The following LMO7 variants were observed in gnomAD, a reference collection of about 807,000 sequenced individuals.
LMO7 encodes the protein LIM domain 7.
Under a neutral mutation model 206.5 loss-of-function variants are expected in LMO7, and 120 were observed. That is an observed-to-expected ratio of 0.58 (90% CI 0.50 to 0.68). The LOEUF is 0.68. Ranked by LOEUF, LMO7 falls within the 30% of genes least tolerant of loss-of-function variation. The pLI is 0.00. For missense variants in LMO7, 1,959 were observed against 1,957.9 expected (o/e 1.00, Z -0.01); for synonymous variants, 706 against 681.5 (o/e 1.04, Z -0.56).
exon 1 of LMO7, chr13:75,621,779 C>T: frequency 6.2e-7 from 1 of 1,613,166 alleles, no homozygotes; most frequent in Non-Finnish European, 8.5e-7. Context: ...GAGCTCGGAG[C>T]TCTGGAAATT....
chr13:75,710,607 A>G (rs911363584), intron 1 of LMO7, among the ~76,000 whole-genome samples: 2 of 151,536 alleles, frequency 1.3e-5, no homozygotes, highest in Non-Finnish European at 2.9e-5. Flanking sequence ...TTTGTCTGTT[A>G]TTGGTGTATA....
At chr13:75,689,719 A>T (rs2041300293) in intron 1 of LMO7, among the ~76,000 whole-genome samples, 1 of 151,976 alleles carries the variant, frequency 6.6e-6, no homozygotes, top group African/African-American at 2.4e-5. Context: ...ATCACACTCC[A>T]GGTTCTTCAG....
At chr13:75,734,602 G>C (rs1031154680) in intron 3 of LMO7, among the ~76,000 whole-genome samples, 1 of 152,172 alleles carries the variant, frequency 6.6e-6, no homozygotes, top group Non-Finnish European at 1.5e-5. Flanking sequence ...TTCTTGATAA[G>C]GGTGTTGGTT....
At chr13:75,812,935 C>T (rs558832197) in intron 11 of LMO7, among the ~76,000 whole-genome samples, 13 of 152,320 alleles carry the variant, frequency 8.5e-5, no homozygotes, top group Middle Eastern at 3.4e-3. Flanking sequence ...ATAGTTTTCC[C>T]AAACAATTTT....
intron 1 of LMO7, among the ~76,000 whole-genome samples, chr13:75,706,671 A>C (rs2042684482): frequency 6.6e-6 from 1 of 152,196 alleles, no homozygotes; most frequent in Admixed American, 6.5e-5. Context: ...AGATTAACTG[A>C]ACATTTTTAT....
At chr13:75,675,115 C>T (rs113790707) in intron 1 of LMO7, among the ~76,000 whole-genome samples, 3 of 147,076 alleles carry the variant, frequency 2.0e-5, no homozygotes, top group South Asian at 4.3e-4. Flanking sequence ...TTTGCTGTGT[C>T]GCCCAGGCTG....
At chr13:75,838,433 C>CTT (rs750031068) in intron 20 of LMO7, 59 of 311,620 alleles carry the variant, frequency 1.9e-4, no homozygotes, top group South Asian at 2.9e-4. Context: ...AAACATTTTA[C>CTT]TTTTTTTTTT....
In LMO7 at chr13:75,853,111, C is replaced by T. The variant is rs932691128; in HGVS notation, c.4384C>T (p.Leu1462=). ...TTTCAGAGGCGAATCTTTAGATAAC[C>T]TGGACTCCCCCCGATCCAATTCTTG... ...IMRRGESLDN[L]DSPRSNSWRQ... Residue 1462 remains leucine (L), a synonymous_variant, in exon 28 of 31, where the codon CTG becomes TTG. Coordinates refer to ENST00000377534, the MANE Select transcript of LMO7 (RefSeq NM_001306080.2). 1.9e-6 allele frequency: 3 copies of T among 1,606,042 alleles called. No homozygotes were observed. The South Asian group carries it at 3.3e-5, about 18-fold the overall frequency.
In LMO7 at chr13:75,814,363, A is replaced by G. The variant is rs182554572; in HGVS notation, c.1947-2798A>G. ...CCTCCTAAGCAACACGTGACTTGTG[A>G]GGAAGAGAATCCAAACATGCACATG... On this transcript the variant is annotated intron_variant, in intron 11 of 30. Transcript: ENST00000377534. 7.9e-5 allele frequency among the ~76,000 whole-genome samples: 12 copies of G among 152,312 alleles called. No homozygotes were observed. In the East Asian group the frequency reaches 2.1e-3, roughly 27 times the overall value.
intron 6 of LMO7, among the ~76,000 whole-genome samples, chr13:75,797,712 A>G (rs2054211702): frequency 6.6e-6 from 1 of 152,306 alleles, no homozygotes; most frequent in East Asian, 1.9e-4. Flanking sequence ...TGATCTTTAA[A>G]TAATTTTGCC....
chr13:75,856,472 T>A, intron 29 of LMO7, 34 bp from the exon 30 acceptor site: 1 of 1,315,966 alleles, frequency 7.6e-7, no homozygotes, highest in Non-Finnish European at 1.1e-6. Context: ...TTGAGCTGAC[T>A]GATTGTAGAT....
At position 75,644,980 on chromosome 13, in the gene LMO7, T is replaced by C. The variant is rs80059163; in HGVS notation, c.69+8254T>C. 6.5e-3 allele frequency among the ~76,000 whole-genome samples: 987 copies of C among 152,334 alleles called. 12 individuals are homozygous for C. Among genetic ancestry groups the C allele is most frequent in the African/African-American group, 0.022 (919 of 41,568 alleles). ...CCGACTTTAGGTTTATATATTTGAA[T>C]GTATGTTAGTGATTGTTAATGTTCA... On this transcript the variant is annotated intron_variant, in intron 1 of 30. Coordinates refer to ENST00000377534, the MANE Select transcript of LMO7 (RefSeq NM_001306080.2).
intron 1 of LMO7, among the ~76,000 whole-genome samples, chr13:75,671,244 G>C (rs79337529): frequency 6.7e-6 from 1 of 149,496 alleles, no homozygotes; most frequent in Non-Finnish European, 1.5e-5. Flanking sequence ...CTAAAACTAT[G>C]ATAAACAGTA....
At chr13:75,711,160 T>C (rs1007170742) in intron 1 of LMO7, among the ~76,000 whole-genome samples, 5 of 152,224 alleles carry the variant, frequency 3.3e-5, no homozygotes, top group Non-Finnish European at 5.9e-5. Context: ...CAGTTGATCA[T>C]GGTGGATAAG....
At chr13:75,645,155 C>T (rs1361688063) in intron 1 of LMO7, among the ~76,000 whole-genome samples, 1 of 152,136 alleles carries the variant, frequency 6.6e-6, no homozygotes, top group Non-Finnish European at 1.5e-5. Flanking sequence ...TTCTGTAGTT[C>T]GTGCATACCA....
At chr13:75,692,054 A>G (rs1309568642) in intron 1 of LMO7, among the ~76,000 whole-genome samples, 1 of 152,156 alleles carries the variant, frequency 6.6e-6, no homozygotes, top group South Asian at 2.1e-4. Context: ...TGCAGCTTCA[A>G]CTATACCTGT....
chr13:75,747,029 T>A (rs1273527893), intron 3 of LMO7, among the ~76,000 whole-genome samples: 1 of 152,088 alleles, frequency 6.6e-6, no homozygotes, highest in African/African-American at 2.4e-5. Flanking sequence ...GGTTTGTACA[T>A]GTTGAAGCAA....
intron 1 of LMO7, among the ~76,000 whole-genome samples, chr13:75,657,194 T>A (rs1364586363): frequency 6.6e-6 from 1 of 152,182 alleles, no homozygotes; most frequent in Non-Finnish European, 1.5e-5. Flanking sequence ...AAGGATCTGT[T>A]CCCTGTGGGT....
intron 5 of LMO7, 47 bp downstream of exon 5, chr13:75,795,478 T>C (rs2053873855): frequency 7.5e-7 from 1 of 1,331,568 alleles, no homozygotes; most frequent in African/African-American, 1.5e-5. Context: ...GCTTTCACTT[T>C]CATGTTCTGT....
Sources: gnomAD v4.1 joint callset for allele counts (sites outside exome capture counted in the v4.1 genomes callset) on GRCh38, gnomAD v4.1.1 for gene constraint, MANE v1.5 for transcripts, NCBI Gene and HGNC (gene_info 2026-07-23, HGNC 2026-07-21) for gene names.